The following PNMT variants were observed in gnomAD, a reference collection of about 807,000 sequenced individuals.
The protein encoded by PNMT is noradrenaline N-methyltransferase.
PNMT carries 18 observed loss-of-function variants against 18.9 expected under a neutral mutation model. That is an observed-to-expected ratio of 0.95 (90% confidence interval 0.66 to 1.41). The LOEUF (loss-of-function observed/expected upper bound fraction) is 1.41. PNMT is among the 40% of genes most tolerant of loss of function. The pLI, the probability that PNMT is intolerant of heterozygous loss-of-function variation, is 0.00. For synonymous variants in PNMT, 167 were observed against 168.6 expected (o/e 0.99, Z 0.08); for missense variants, 378 against 387.0 (o/e 0.98, Z 0.20).
At position 39,668,696 on chromosome 17, in the gene PNMT, G is replaced by A. The variant is rs1383297918; in HGVS notation, c.202+19G>A. Reference sequence around the variant, plus strand: ...GCCACCGGTGAGCGGGGGAAACTGAGGCACGAGGGACAAGAGGTCGTCGGG... The same window carrying A: ...GCCACCGGTGAGCGGGGGAAACTGAAGCACGAGGGACAAGAGGTCGTCGGG... On this transcript the variant is annotated intron_variant, in intron 1 of 2. Transcript: ENST00000269582. 5.8e-6 allele frequency: 9 copies of A among 1,556,070 alleles called. No homozygotes were observed. Among genetic ancestry groups the A allele is most frequent in the Admixed American group, 1.8e-5 (1 of 55,020 alleles).
rs1318162539 is a variant in PNMT, at chr17:39,668,652, C to G, written c.177C>G (p.Arg59=). 1 of 1,592,286 alleles carries G rather than the reference C, an allele frequency of 6.3e-7. No homozygotes were observed. The highest frequency in any genetic ancestry group is 2.3e-5 in the East Asian group (1 of 43,070). ...NPNGVGPWKL[R]CLAQTFATGE... Reference sequence around the variant, plus strand: ...ACGGCGTCGGGCCGTGGAAGCTGCGCTGCTTGGCGCAGACCTTCGCCACCG... The same window carrying G: ...ACGGCGTCGGGCCGTGGAAGCTGCGGTGCTTGGCGCAGACCTTCGCCACCG... The change falls in exon 1 of 3, where the codon CGC becomes CGG. Residue 59 remains arginine (R), a synonymous_variant. Coordinates refer to ENST00000269582, the MANE Select transcript of PNMT (RefSeq NM_002686.4).
rs750672546 is a variant in PNMT, at chr17:39,668,719, G to A, written c.202+42G>A. ...GAGGCACGAGGGACAAGAGGTCGTC[G>A]GGGAGTGAAAGCAGGCGCAGGGAAA... On this transcript the variant is annotated intron_variant, in intron 1 of 2. Coordinates refer to ENST00000269582, the MANE Select transcript of PNMT (RefSeq NM_002686.4). The A allele has an allele frequency of 2.4e-4, 355 of 1,485,092 alleles. 1 individual carries two copies. Among genetic ancestry groups the A allele is most frequent in the Admixed American group, 5.5e-4 (28 of 50,462 alleles). 92.0% of individuals were successfully genotyped at this position (1,485,092 alleles called of 1,614,324 possible).
At chr17:39,669,327 C>T (rs2057278708) in intron 1 of PNMT, among the ~76,000 whole-genome samples, 1 of 152,120 alleles carries the variant, frequency 6.6e-6, no homozygotes, top group Admixed American at 6.5e-5. Context: ...AGGATCCACC[C>T]ACCCCGGCCT....
chr17:39,668,314 T>G (rs1304300027), upstream of PNMT: 1 of 524,252 alleles, frequency 1.9e-6, no homozygotes, highest in Non-Finnish European at 3.1e-6. Context: ...GCCCGGACAC[T>G]AAGGGAGATG....
rs1223649286 is a variant in PNMT at position 39,669,812 on chromosome 17, A to G, written c.386A>G (p.His129Arg). Reference protein sequence around the residue: ...GAFNWSMYSQHACLIEGKGEC... With the variant: ...GAFNWSMYSQRACLIEGKGEC... Reference sequence around the variant, plus strand: ...TTCAACTGGAGCATGTACAGCCAACATGCCTGCCTCATTGAGGGCAAGGGG... The same window carrying G: ...TTCAACTGGAGCATGTACAGCCAACGTGCCTGCCTCATTGAGGGCAAGGGG... The change falls in exon 2 of 3, where the codon CAT becomes CGT. Residue 129 changes from histidine (H) to arginine (R), a missense_variant. By Grantham distance (29) the His-to-Arg change is conservative. Transcript: ENST00000269582. 44 of 1,613,688 alleles carry G rather than the reference A, an allele frequency of 2.7e-5. No homozygotes were observed. Among genetic ancestry groups the G allele is most frequent in the Non-Finnish European group, 3.7e-5 (44 of 1,179,828 alleles).
intron 1 of PNMT, among the ~76,000 whole-genome samples, 200 bp downstream of exon 1, chr17:39,668,877 GGA>G (rs747137018): frequency 4.0e-5 from 6 of 151,412 alleles, no homozygotes; most frequent in Non-Finnish European, 7.4e-5. Flanking sequence ...AGAGAGAGGT[GGA>G]GAGAGGGGGC....
chr17:39,668,836 A>G (rs200173), intron 1 of PNMT, among the ~76,000 whole-genome samples, 159 bp downstream of exon 1: 150,679 of 152,132 alleles, frequency 0.99, 74,627 homozygotes, highest in East Asian at 1. Flanking sequence ...AAGAGAAAAA[A>G]GAGCAACATC....
At chr17:39,668,349 C>G, upstream of PNMT, 1 of 665,076 alleles carries the variant, frequency 1.5e-6, no homozygotes, top group Non-Finnish European at 2.3e-6. Flanking sequence ...GAGGATGCGG[C>G]GCACATGGCC....
chr17:39,669,429 G>C (rs2145082288), intron 1 of PNMT, among the ~76,000 whole-genome samples, 200 bp from the exon 2 acceptor site: 1 of 152,326 alleles, frequency 6.6e-6, no homozygotes, highest in East Asian at 1.9e-4. Context: ...GAGCGGTGAA[G>C]TTCCCTTCCG....
chr17:39,668,340 A>G, upstream of PNMT: 1 of 590,264 alleles, frequency 1.7e-6, no homozygotes. Flanking sequence ...ATGGGTGGGG[A>G]GGATGCGGCG....
In PNMT at chr17:39,670,342, G is replaced by T; in HGVS notation, c.802G>T (p.Asp268Tyr). 4 of 1,601,736 alleles carry T rather than the reference G, an allele frequency of 2.5e-6. No homozygotes were observed. Among genetic ancestry groups the T allele is most frequent in the Non-Finnish European group, 3.4e-6 (4 of 1,172,386 alleles). ...MPAHLQTGVD[D>Y]VKGVFFAWAQ... ...TGCCCACCTTCAGACAGGCGTAGATGATGTCAAGGGCGTCTTCTTCGCCTG... is the reference window on the plus strand; with the variant it reads ...TGCCCACCTTCAGACAGGCGTAGATTATGTCAAGGGCGTCTTCTTCGCCTG... Residue 268 changes from aspartate to tyrosine, a missense_variant, in exon 3 of 3, where the codon GAT becomes TAT. Physicochemically the swap from Asp to Tyr is radical, Grantham distance 160. Transcript: ENST00000269582.
At chr17:39,668,090 T>G, upstream of PNMT, 1 of 164,030 alleles carries the variant, frequency 6.1e-6, no homozygotes, top group East Asian at 1.4e-4. Context: ...TGCGGGGGGC[T>G]GGAGAAGAGA....
intron 1 of PNMT, 49 bp downstream of exon 1, chr17:39,668,726 G>A: frequency 7.0e-7 from 1 of 1,426,170 alleles, no homozygotes; most frequent in Admixed American, 2.1e-5. Flanking sequence ...GTCGGGGAGT[G>A]AAAGCAGGCG....
At chr17:39,668,176 C>A (rs1223304851), upstream of PNMT, 3 of 307,906 alleles carry the variant, frequency 9.7e-6, no homozygotes, top group East Asian at 1.4e-4. Flanking sequence ...GGGGGGCGCC[C>A]AGAGGCGGGA....
At chr17:39,669,004 C>T (rs987574110) in intron 1 of PNMT, among the ~76,000 whole-genome samples, 2 of 152,058 alleles carry the variant, frequency 1.3e-5, no homozygotes, top group African/African-American at 2.4e-5. Flanking sequence ...GCCAGGATTT[C>T]CTCGCTGAGC....
chr17:39,669,548 G>A, intron 1 of PNMT, 81 bp from the exon 2 acceptor site: 1 of 933,968 alleles, frequency 1.1e-6, no homozygotes, highest in Non-Finnish European at 1.8e-6. Flanking sequence ...GAGGCAGGGA[G>A]ATGCAGGGGA....
chr17:39,670,068 C>T lies in PNMT; in HGVS notation c.528C>T (p.Asp176=), dbSNP rs749507897. The part of the protein sequence containing the change: ...GAGSPAPLPA[D]ALVSAFCLEA... ...GGAGCCCAGCTCCCCTGCCTGCTGA[C>T]GCCCTGGTCTCTGCCTTCTGCTTGG... The change falls in exon 3 of 3, where the codon GAC becomes GAT. Residue 176 remains aspartate (D), a synonymous_variant. Transcript: ENST00000269582. 56 of 1,607,998 alleles carry T rather than the reference C, an allele frequency of 3.5e-5. No homozygotes were observed. The highest frequency in any genetic ancestry group is 7.7e-5 in the South Asian group (7 of 91,086).
chr17:39,670,011 C>A lies in PNMT; in HGVS notation c.471C>A (p.Ile157=). The A allele has an allele frequency of 2.5e-6, 4 of 1,604,594 alleles. No individual in the cohort carries two copies. Among genetic ancestry groups the A allele is most frequent in the Non-Finnish European group, 3.4e-6 (4 of 1,179,556 alleles). ...CCAGGGTGAAACGGGTCCTGCCCAT[C>A]GACGTGCACCAGCCCCAGCCCCTGG... ...LRARVKRVLP[I]DVHQPQPLGA... is the part of the protein sequence containing the mutation. The change falls in exon 3 of 3, where the codon ATC becomes ATA. Residue 157 remains isoleucine (I), a synonymous_variant. Coordinates refer to ENST00000269582, the MANE Select transcript of PNMT (RefSeq NM_002686.4).
chr17:39,668,505 G>A lies in PNMT; in HGVS notation c.30G>A (p.Ala10=), dbSNP rs1051958759. Residue 10 remains alanine, a synonymous_variant, in exon 1 of 3, where the codon GCG becomes GCA. Transcript: ENST00000269582. MSGADRSPN[A]GAAPDSAPGQ... ...GCGGCGCAGACCGTAGCCCCAATGC[G>A]GGCGCAGCCCCTGACTCGGCCCCGG... 3 of 1,526,964 alleles carry A rather than the reference G, an allele frequency of 2.0e-6. No homozygotes were observed. The highest frequency in any genetic ancestry group is 5.0e-5 in the East Asian group (2 of 40,254). 94.6% of individuals were successfully genotyped at this position (1,526,964 alleles called of 1,614,324 possible). A position where few individuals can be genotyped will look rare whatever the true frequency, so the allele number is the denominator to read the frequency against.
Sources: allele counts gnomAD v4.1 joint callset (sites outside exome capture counted in the v4.1 genomes callset), GRCh38; gene constraint gnomAD v4.1.1; transcripts MANE v1.5; gene names NCBI Gene and HGNC (gene_info 2026-07-23, HGNC 2026-07-21).